The following MALRD1 variants were observed in gnomAD, a reference collection of about 807,000 sequenced individuals.
MALRD1 encodes the protein MAM and LDL receptor class A domain containing 1.
A neutral mutation model predicts 242.1 loss-of-function variants in MALRD1; 247 were observed. That is an observed-to-expected ratio of 1.02 (90% CI 0.92 to 1.13). MALRD1 has a LOEUF of 1.13. Ranked by LOEUF, MALRD1 falls within the 50% of genes most tolerant of loss-of-function variation. MALRD1 has a pLI of 0.00. For missense variants in MALRD1, 2,989 were observed against 2,533.1 expected (o/e 1.18, Z -3.86); for synonymous variants, 995 against 866.6 (o/e 1.15, Z -2.60).
At chr10:19,438,314 G>A (rs2130972619) in intron 28 of MALRD1, among the ~76,000 whole-genome samples, 1 of 152,244 alleles carries the variant, frequency 6.6e-6, no homozygotes, top group East Asian at 1.9e-4. Context: ...GTTGTAACAT[G>A]TGTCAGAATT....
intron 14 of MALRD1, among the ~76,000 whole-genome samples, chr10:19,185,557 C>T (rs1216636969): frequency 6.6e-6 from 1 of 151,844 alleles, no homozygotes; most frequent in Non-Finnish European, 1.5e-5. Flanking sequence ...TATATATTTT[C>T]CTCAAACTAG....
chr10:19,586,548 G>C (rs938779864), intron 33 of MALRD1, among the ~76,000 whole-genome samples: 2 of 152,176 alleles, frequency 1.3e-5, no homozygotes, highest in African/African-American at 4.8e-5. Context: ...AGGGGTCAGG[G>C]GTCAGGGACC....
chr10:19,604,860 A>G (rs1449701397), intron 34 of MALRD1, among the ~76,000 whole-genome samples: 1 of 152,192 alleles, frequency 6.6e-6, no homozygotes, highest in Non-Finnish European at 1.5e-5. Context: ...TGTGACTTGC[A>G]TTAATGCAAC....
At chr10:19,208,276 C>CA (rs1836876078) in intron 17 of MALRD1, among the ~76,000 whole-genome samples, 1 of 151,820 alleles carries the variant, frequency 6.6e-6, no homozygotes, top group Admixed American at 6.6e-5. Flanking sequence ...TGAATCACAG[C>CA]AAAAAAAGTG....
rs577888007 is a variant in MALRD1 at position 19,667,584 on chromosome 10, C to T, written c.6138-24698C>T. 3.3e-5 allele frequency among the ~76,000 whole-genome samples: 5 copies of T among 151,128 alleles called. No individual in the cohort carries two copies. In the South Asian group the frequency reaches 1.0e-3, roughly 31 times the overall value. ...GTTGGTTATTTAAAAGTGTGTGGCA[C>T]CTCCCTGCCACTCTCTCTCTCTCTC... On this transcript the variant is annotated intron_variant, in intron 36 of 39. Coordinates refer to ENST00000454679, the MANE Select transcript of MALRD1 (RefSeq NM_001142308.3).
At chr10:19,400,593 A>G (rs1308553091) in intron 28 of MALRD1, among the ~76,000 whole-genome samples, 2 of 152,234 alleles carry the variant, frequency 1.3e-5, no homozygotes, top group Non-Finnish European at 2.9e-5. Flanking sequence ...CAGTACATAA[A>G]TGCCAACTCT....
intron 28 of MALRD1, among the ~76,000 whole-genome samples, chr10:19,431,683 A>T (rs1272739558): frequency 6.6e-6 from 1 of 152,200 alleles, no homozygotes. Context: ...TTGTTCCTTT[A>T]TACACAGTTG....
At chr10:19,526,871 C>G (rs1834125413) in intron 31 of MALRD1, among the ~76,000 whole-genome samples, 1 of 152,072 alleles carries the variant, frequency 6.6e-6, no homozygotes, top group Non-Finnish European at 1.5e-5. Context: ...GAAGTCATAT[C>G]TTTGCTAAGC....
intron 14 of MALRD1, among the ~76,000 whole-genome samples, chr10:19,178,273 G>GA (rs1046275178): frequency 4.6e-5 from 7 of 151,680 alleles, no homozygotes; most frequent in Admixed American, 1.3e-4. Flanking sequence ...GTACACAAAG[G>GA]AAAAAAAGGC....
chr10:19,660,057 T>A (rs576176334), intron 36 of MALRD1, among the ~76,000 whole-genome samples: 44 of 152,304 alleles, frequency 2.9e-4, no homozygotes, highest in African/African-American at 1.0e-3. Flanking sequence ...GGGCCGTGTT[T>A]CTCTCTGGGG....
intron 24 of MALRD1, among the ~76,000 whole-genome samples, chr10:19,334,786 T>C (rs1843530527): frequency 6.6e-6 from 1 of 152,136 alleles, no homozygotes; most frequent in Non-Finnish European, 1.5e-5. Context: ...TTTTCTTCAT[T>C]GTCATTTTCC....
chr10:19,217,857 G>T (rs1265181017), intron 18 of MALRD1, among the ~76,000 whole-genome samples: 1 of 152,058 alleles, frequency 6.6e-6, no homozygotes, highest in Admixed American at 6.6e-5. Context: ...TTGTTTACTT[G>T]CCTGTGAGAT....
At chr10:19,463,721 G>A (rs546523630) in intron 29 of MALRD1, among the ~76,000 whole-genome samples, 1 of 151,860 alleles carries the variant, frequency 6.6e-6, no homozygotes, top group East Asian at 1.9e-4. Context: ...TTTTCCTCTG[G>A]GTAGATACCC....
chr10:19,405,108 G>A (rs186327597), intron 28 of MALRD1, among the ~76,000 whole-genome samples: 2 of 152,100 alleles, frequency 1.3e-5, no homozygotes, highest in East Asian at 3.9e-4. Context: ...GAAATGAAGT[G>A]GTGTTTTGCA....
intron 28 of MALRD1, among the ~76,000 whole-genome samples, chr10:19,402,274 ACCC>A (rs1846891110): frequency 6.6e-6 from 1 of 152,098 alleles, no homozygotes; most frequent in African/African-American, 2.4e-5. Context: ...ACGTAGCAAG[ACCC>A]CATGATATGG....
chr10:19,293,888 G>C (rs1335153558), intron 21 of MALRD1, among the ~76,000 whole-genome samples: 1 of 152,142 alleles, frequency 6.6e-6, no homozygotes, highest in Non-Finnish European at 1.5e-5. Context: ...ACCTGCACAT[G>C]TACCCCTGAA....
Position 19,343,503 on chromosome 10 carries a change from C to G in MALRD1, c.3902-4268C>G, listed in dbSNP as rs186314165. On this transcript the variant is annotated intron_variant, in intron 24 of 39. Transcript: ENST00000454679. ...TACTTCTTTATAGTCAAACTCATTCCCATCATCCCTAACCTCAGGAAGCCA... is the reference window on the plus strand; with the variant it reads ...TACTTCTTTATAGTCAAACTCATTCGCATCATCCCTAACCTCAGGAAGCCA... 8.6e-4 allele frequency among the ~76,000 whole-genome samples: 131 copies of G among 152,188 alleles called. 1 individual carries two copies. The highest frequency in any genetic ancestry group is 1.4e-3 in the Admixed American group (21 of 15,254).
chr10:19,237,260 A>G (rs977315831), intron 18 of MALRD1, among the ~76,000 whole-genome samples: 1 of 151,392 alleles, frequency 6.6e-6, no homozygotes, highest in African/African-American at 2.4e-5. Flanking sequence ...TGATTTCATA[A>G]CTGTTAACCA....
chr10:19,327,544 A>G lies in MALRD1; in HGVS notation c.3577-19A>G. The G allele has an allele frequency of 6.6e-7, 1 of 1,526,274 alleles. No individual in the cohort carries two copies. The highest frequency in any genetic ancestry group is 8.9e-7 in the Non-Finnish European group (1 of 1,126,804). The allele number at this position is 1,526,274 out of a possible 1,614,324, so 94.5% of individuals were successfully genotyped here. A position where few individuals can be genotyped will look rare whatever the true frequency, so the allele number is the denominator to read the frequency against. The stretch of plus-strand genomic sequence containing the variant: ...AAGATAAAATACTTCAGTGCCTTTT[A>G]CTTGATTTATCTCTATAGGTGCTCA... On this transcript the variant is annotated intron_variant, in intron 22 of 39. Coordinates refer to ENST00000454679, the MANE Select transcript of MALRD1 (RefSeq NM_001142308.3).
Sources: allele counts gnomAD v4.1 joint callset (sites outside exome capture counted in the v4.1 genomes callset), GRCh38; gene constraint gnomAD v4.1.1; transcripts MANE v1.5; gene names NCBI Gene and HGNC (gene_info 2026-07-23, HGNC 2026-07-21).